Variants in CPED1 observed in about 807,000 individuals in gnomAD.
CPED1 encodes the protein cadherin like and PC-esterase domain containing 1, also known as cadherin-like and PC-esterase domain-containing protein 1.
In CPED1, 114 loss-of-function variants were observed where a neutral mutation model predicts 128.2. The observed-to-expected ratio is 0.89, with a 90% CI of 0.76 to 1.04. The LOEUF is 1.04. CPED1 is among the 50% of genes least tolerant of loss of function. The pLI is 0.00. For synonymous variants in CPED1, 462 were observed against 426.7 expected, an observed-to-expected ratio of 1.08 and a Z score of -1.02; for missense variants, 1,211 against 1,207.1, an observed-to-expected ratio of 1.00 and a Z score of -0.05.
chr7:121,014,568 T>TAA lies in CPED1; in HGVS notation c.250-1096_250-1095dup, dbSNP rs200195085. 1.1e-4 allele frequency among the ~76,000 whole-genome samples: 15 copies of TAA among 139,232 alleles called. 1 individual carries two copies. The highest frequency in any genetic ancestry group is 4.5e-4 in the South Asian group (2 of 4,458). 91.3% of individuals were successfully genotyped at this position (139,232 alleles called of 152,430 possible). On this transcript the variant is annotated intron_variant, in intron 2 of 22. Transcript: ENST00000310396. ...TTGTCTCAAAAAAAAAAAATAATAA[T>TAA]AATAATAATAAAATAAAATAAATGA...
chr7:121,004,942 T>C (rs1236847951), intron 2 of CPED1, among the ~76,000 whole-genome samples: 4 of 152,212 alleles, frequency 2.6e-5, no homozygotes, highest in Non-Finnish European at 5.9e-5. Flanking sequence ...TATGACATCA[T>C]GCCCCTATGT....
chr7:121,242,207 A>G (rs950622566), intron 17 of CPED1, among the ~76,000 whole-genome samples: 8 of 152,206 alleles, frequency 5.3e-5, no homozygotes, highest in African/African-American at 1.9e-4. Context: ...ATAAATTATA[A>G]TCTTCTAACC....
chr7:121,245,816 G>A lies in CPED1; in HGVS notation c.2310+1478G>A, dbSNP rs181532390. ...AGCGCGTCTCCTGCCTCAGCCTCCC[G>A]AGTAGCTGGGATTACAGGCGCCTGC... On this transcript the variant is annotated intron_variant, in intron 18 of 22. Transcript: ENST00000310396. Among the ~76,000 whole-genome samples the A allele has an allele frequency of 1.8e-4, 28 of 151,376 alleles. No homozygotes were observed. In the East Asian group the frequency reaches 4.5e-3, roughly 24 times the overall value.
At chr7:121,035,325 A>G (rs1792856722) in intron 3 of CPED1, among the ~76,000 whole-genome samples, 3 of 152,240 alleles carry the variant, frequency 2.0e-5, no homozygotes, top group Admixed American at 1.3e-4. Context: ...AATAATTAGA[A>G]GCAGGAAGAC....
intron 16 of CPED1, among the ~76,000 whole-genome samples, chr7:121,173,703 G>A (rs1376190158): frequency 1.3e-5 from 2 of 152,038 alleles, no homozygotes; most frequent in Non-Finnish European, 2.9e-5. Context: ...TCACATGCAC[G>A]TGTCTTTATG....
At chr7:121,178,372 C>A (rs1796829771) in intron 16 of CPED1, among the ~76,000 whole-genome samples, 1 of 151,968 alleles carries the variant, frequency 6.6e-6, no homozygotes, top group Non-Finnish European at 1.5e-5. Flanking sequence ...AAACTTGCAC[C>A]TATTATACAC....
At chr7:121,107,430 T>C (rs1005977936) in intron 7 of CPED1, among the ~76,000 whole-genome samples, 2 of 152,146 alleles carry the variant, frequency 1.3e-5, no homozygotes, top group Admixed American at 1.3e-4. Context: ...GAGAGTTTGC[T>C]TATTCTTTAT....
At chr7:121,177,664 A>G (rs1234559573) in intron 16 of CPED1, among the ~76,000 whole-genome samples, 1 of 152,070 alleles carries the variant, frequency 6.6e-6, no homozygotes, top group Non-Finnish European at 1.5e-5. Flanking sequence ...TCCAAAGAGC[A>G]GTGAGGAGAA....
intron 2 of CPED1, among the ~76,000 whole-genome samples, chr7:121,001,072 A>G (rs1368456431): frequency 6.6e-6 from 1 of 152,168 alleles, no homozygotes; most frequent in African/African-American, 2.4e-5. Context: ...TTCTTCAATA[A>G]TGCATATGTA....
intron 2 of CPED1, among the ~76,000 whole-genome samples, chr7:121,000,862 T>C (rs1276240482): frequency 6.6e-6 from 1 of 152,156 alleles, no homozygotes; most frequent in African/African-American, 2.4e-5. Context: ...CATTTTTAAA[T>C]CCTCAGTTCT....
In CPED1 at chr7:121,256,680, C is replaced by G. The variant is rs76614260; in HGVS notation, c.2311-9547C>G. On this transcript the variant is annotated intron_variant, in intron 18 of 22. Coordinates refer to ENST00000310396, the MANE Select transcript of CPED1 (RefSeq NM_024913.5). ...AACTTAAAACTGAGCTATTATTTGA[C>G]CCAGCAAACCCATTACTGGGTATAT... 3.7e-3 allele frequency among the ~76,000 whole-genome samples: 564 copies of G among 152,092 alleles called. 3 individuals carry two copies. Among genetic ancestry groups the G allele is most frequent in the African/African-American group, 0.013 (535 of 41,486 alleles).
At chr7:121,196,913 C>T (rs1219439270) in intron 16 of CPED1, among the ~76,000 whole-genome samples, 1 of 151,518 alleles carries the variant, frequency 6.6e-6, no homozygotes, top group Non-Finnish European at 1.5e-5. Flanking sequence ...AGTTAAAAAA[C>T]ACCATTTGGT....
intron 16 of CPED1, among the ~76,000 whole-genome samples, chr7:121,213,339 T>C (rs1367677435): frequency 1.3e-5 from 2 of 152,034 alleles, no homozygotes. Context: ...TGAATAAGAA[T>C]GATAATATCT....
intron 13 of CPED1, among the ~76,000 whole-genome samples, chr7:121,134,170 T>C (rs1318683371): frequency 2.6e-5 from 4 of 152,018 alleles, no homozygotes; most frequent in South Asian, 2.1e-4. Flanking sequence ...AGCCAAGATA[T>C]AGAATCAAAC....
At chr7:121,194,344 C>G (rs1250129433) in intron 16 of CPED1, among the ~76,000 whole-genome samples, 3 of 151,994 alleles carry the variant, frequency 2.0e-5, no homozygotes, top group Non-Finnish European at 1.5e-5. Context: ...AGCCACTGTA[C>G]CCGGCCTATA....
intron 16 of CPED1, among the ~76,000 whole-genome samples, chr7:121,143,854 A>G (rs1332407262): frequency 2.0e-5 from 3 of 151,974 alleles, no homozygotes; most frequent in African/African-American, 4.8e-5. Context: ...AAAGACACAC[A>G]CACACAAAAT....
intron 16 of CPED1, among the ~76,000 whole-genome samples, chr7:121,210,197 T>TA (rs1174981511): frequency 6.6e-6 from 1 of 151,976 alleles, no homozygotes; most frequent in African/African-American, 2.4e-5. Context: ...GAGAACCTTA[T>TA]ATGCTGTTGG....
At chr7:121,136,261 A>C (rs189587554) in intron 14 of CPED1, among the ~76,000 whole-genome samples, 171 bp downstream of exon 14, 2 of 152,086 alleles carry the variant, frequency 1.3e-5, no homozygotes, top group East Asian at 1.9e-4. Context: ...TCACTTTTGC[A>C]TAAGAACATA....
Position 121,035,361 on chromosome 7 carries a change from T to C in CPED1, c.434-11526T>C, listed in dbSNP as rs768504207. On this transcript the variant is annotated intron_variant, in intron 3 of 22. Coordinates refer to ENST00000310396, the MANE Select transcript of CPED1 (RefSeq NM_024913.5). ...TAGCTAGAAGACTTTGCAGAGATGA[T>C]ATCTTAGATTTAGAGAATGGGATAG... Among the ~76,000 whole-genome samples, 3 of 152,210 alleles carry C rather than the reference T, an allele frequency of 2.0e-5. No homozygotes were observed. The South Asian group carries it at 6.2e-4, about 32-fold the overall frequency.
Sources: allele counts gnomAD v4.1 joint callset (sites outside exome capture counted in the v4.1 genomes callset), GRCh38; gene constraint gnomAD v4.1.1; transcripts MANE v1.5; gene names NCBI Gene and HGNC (gene_info 2026-07-23, HGNC 2026-07-21).